STARD13: variants seen among roughly 807,000 people sequenced by gnomAD.
STARD13 encodes StAR related lipid transfer domain containing 13.
A neutral mutation model predicts 106.4 loss-of-function variants in STARD13; 62 were observed. That is an observed-to-expected ratio of 0.58 (90% CI 0.48 to 0.72). The LOEUF is 0.72. Ranked by LOEUF, STARD13 falls within the 30% of genes least tolerant of loss-of-function variation. The probability of loss-of-function intolerance (pLI) is 0.00; values close to 1 mark genes in which losing one functional copy is unlikely to be tolerated. For missense variants in STARD13, 1,387 were observed against 1,424.0 expected (o/e 0.97, Z 0.42); for synonymous variants, 565 against 553.0 (o/e 1.02, Z -0.31).
chr13:33,490,178 A>G, the STARD13 span, among the ~76,000 whole-genome samples: 1 of 152,170 alleles, frequency 6.6e-6, no homozygotes, highest in Non-Finnish European at 1.5e-5. Context: ...AAGGAATTCC[A>G]CATGCTTATT....
At chr13:33,283,152 C>A (rs1038746946) in intron 1 of STARD13, among the ~76,000 whole-genome samples, 1 of 152,088 alleles carries the variant, frequency 6.6e-6, no homozygotes, top group African/African-American at 2.4e-5. Context: ...TATAACCTGA[C>A]AGGAAATTTC....
At chr13:33,666,517 G>A in the STARD13 span, among the ~76,000 whole-genome samples, 4 of 151,860 alleles carry the variant, frequency 2.6e-5, no homozygotes, top group African/African-American at 9.7e-5. Flanking sequence ...GGATGGTCTC[G>A]ATCTCCTGAC....
At chr13:33,482,011 A>AT in the STARD13 span, among the ~76,000 whole-genome samples, 1 of 152,032 alleles carries the variant, frequency 6.6e-6, no homozygotes. Flanking sequence ...AGAAAAAAAA[A>AT]GAAATAGAAG....
chr13:33,311,821 G>A (rs1893147339), intron 1 of STARD13, among the ~76,000 whole-genome samples: 1 of 152,206 alleles, frequency 6.6e-6, no homozygotes, highest in South Asian at 2.1e-4. Context: ...CAAGGGCAGG[G>A]CCAAGTCCTT....
At chr13:33,200,492 C>G (rs1370340180) in intron 1 of STARD13, among the ~76,000 whole-genome samples, 1 of 152,234 alleles carries the variant, frequency 6.6e-6, no homozygotes, top group Non-Finnish European at 1.5e-5. Context: ...GTGAATTTCT[C>G]AGGACTCCAC....
chr13:33,296,628 T>G (rs950536779), intron 1 of STARD13, among the ~76,000 whole-genome samples: 1 of 152,010 alleles, frequency 6.6e-6, no homozygotes, highest in Non-Finnish European at 1.5e-5. Flanking sequence ...TGAGTTCAAC[T>G]TTTTTTTGAG....
In STARD13 at chr13:33,111,859, T is replaced by G; in HGVS notation, c.2526A>C (p.Pro842=). The part of the protein sequence containing the change: ...VIQKKYATGK[P]DQKDLNENLA... Reference sequence around the variant, plus strand: ...GATTCTCGTTGAGGTCCTTTTGATCTGGCTTCCCAGTGGCATATTTCTTCT... The same window carrying G: ...GATTCTCGTTGAGGTCCTTTTGATCGGGCTTCCCAGTGGCATATTTCTTCT... The change falls in exon 10 of 14, where the codon CCA becomes CCC. Residue 842 remains proline, a synonymous_variant. Transcript: ENST00000336934. 5.0e-6 allele frequency: 8 copies of G among 1,614,100 alleles called. No homozygotes were observed. Among genetic ancestry groups the G allele is most frequent in the East Asian group, 4.5e-5 (2 of 44,880 alleles).
At chr13:33,535,227 A>G in the STARD13 span, among the ~76,000 whole-genome samples, 1 of 152,206 alleles carries the variant, frequency 6.6e-6, no homozygotes, top group South Asian at 2.1e-4. Context: ...AAAAGAAAAA[A>G]AAAGGAGAAC....
At chr13:33,138,841 C>A (rs1483771911) in intron 4 of STARD13, 3 of 477,568 alleles carry the variant, frequency 6.3e-6, no homozygotes, top group Non-Finnish European at 1.3e-5. Flanking sequence ...CATCTCGAAT[C>A]CTTAAAGGGT....
At chr13:33,179,402 T>C (rs949909511) in intron 1 of STARD13, among the ~76,000 whole-genome samples, 2 of 152,202 alleles carry the variant, frequency 1.3e-5, no homozygotes, top group African/African-American at 4.8e-5. Flanking sequence ...GATTAAATGA[T>C]TGCATTTCTG....
chr13:33,474,172 C>T, the STARD13 span, among the ~76,000 whole-genome samples: 1 of 152,148 alleles, frequency 6.6e-6, no homozygotes, highest in Admixed American at 6.5e-5. Context: ...GATGGAGTTC[C>T]ACGTATCCAG....
rs1392597055 is a variant in STARD13 at position 33,140,758 on chromosome 13, TTTTC to T, written c.387+1548_387+1551del. Reference sequence around the variant, plus strand: ...TGTAGACCAGGATAAAAACACTTTCTTTTCTTTCTTTTTTTTTTTTTTGAGGCGG... The same window carrying T: ...TGTAGACCAGGATAAAAACACTTTCTTTTCTTTTTTTTTTTTTTGAGGCGG... On this transcript the variant is annotated intron_variant, in intron 4 of 13. Coordinates refer to ENST00000336934, the MANE Select transcript of STARD13 (RefSeq NM_178006.4). Among the ~76,000 whole-genome samples the T allele has an allele frequency of 1.6e-3, 246 of 150,312 alleles. 3 individuals are homozygous for T. Among genetic ancestry groups the T allele is most frequent in the Middle Eastern group, 6.8e-3 (2 of 294 alleles).
chr13:33,328,957 T>C (rs1026426629), intron 1 of STARD13, among the ~76,000 whole-genome samples: 6 of 152,250 alleles, frequency 3.9e-5, no homozygotes, highest in African/African-American at 1.4e-4. Context: ...CAACTACAGC[T>C]ATCTGAGGAT....
intron 1 of STARD13, among the ~76,000 whole-genome samples, chr13:33,328,611 A>G (rs2138551896): frequency 6.6e-6 from 1 of 152,338 alleles, no homozygotes; most frequent in Middle Eastern, 3.4e-3. Context: ...CATGGGATAC[A>G]TGGAAGTTTT....
At chr13:33,537,661 C>T in the STARD13 span, among the ~76,000 whole-genome samples, 38 of 151,598 alleles carry the variant, frequency 2.5e-4, 1 homozygote, top group Admixed American at 9.9e-4. Context: ...CGGGCTTGGC[C>T]GGGAAGTGTA....
At chr13:33,311,129 T>TAA (rs35391177) in intron 1 of STARD13, among the ~76,000 whole-genome samples, 7 of 128,438 alleles carry the variant, frequency 5.5e-5, no homozygotes, top group South Asian at 5.1e-4. Context: ...CACCATTTCT[T>TAA]AAAAAAAAAA....
the STARD13 span, among the ~76,000 whole-genome samples, chr13:33,647,584 T>TA: frequency 6.6e-6 from 1 of 152,238 alleles, no homozygotes; most frequent in African/African-American, 2.4e-5. Context: ...ATTTTCTTAA[T>TA]ACTAACAATG....
At chr13:33,422,074 C>T in the STARD13 span, among the ~76,000 whole-genome samples, 2 of 151,982 alleles carry the variant, frequency 1.3e-5, no homozygotes, top group Admixed American at 1.3e-4. Flanking sequence ...CTATTCAACA[C>T]AGTGTTAAAA....
rs1873464325 is a variant in STARD13 at position 33,104,571 on chromosome 13, G to A, written c.*1022C>T. The A allele has an allele frequency of 6.6e-6, 1 of 152,610 alleles. No individual in the cohort carries two copies. Among genetic ancestry groups the A allele is most frequent in the South Asian group, 2.1e-4 (1 of 4,830 alleles). The allele number at this position is 152,610 out of a possible 1,614,324, so 9.5% of individuals were successfully genotyped here. The stretch of plus-strand genomic sequence containing the variant: ...CTCCCTTTGTATGGTGTCTGGAGTT[G>A]AATTCAGTGCAATAAGAAAACACCA... On this transcript the variant is annotated 3_prime_UTR_variant, in exon 14 of 14. Coordinates refer to ENST00000336934, the MANE Select transcript of STARD13 (RefSeq NM_178006.4).
Sources: allele counts gnomAD v4.1 joint callset (sites outside exome capture counted in the v4.1 genomes callset), GRCh38; gene constraint gnomAD v4.1.1; transcripts MANE v1.5; gene names NCBI Gene and HGNC (gene_info 2026-07-23, HGNC 2026-07-21).